Variants in DAB1 observed in about 807,000 individuals in gnomAD.
DAB1 encodes the protein disabled homolog 1.
DAB1 carries 15 observed loss-of-function variants against 64.6 expected under a neutral mutation model. The ratio of observed to expected loss-of-function variants is 0.23; its 90% CI spans 0.16 to 0.36. DAB1 has a LOEUF of 0.36. Ranked by LOEUF, DAB1 falls within the 10% of genes least tolerant of loss-of-function variation. The probability of loss-of-function intolerance (pLI) is 1.00; values close to 1 mark genes in which losing one functional copy is unlikely to be tolerated. For synonymous variants in DAB1, 235 were observed against 251.9 expected (o/e 0.93, Z 0.64); for missense variants, 596 against 706.7 (o/e 0.84, Z 1.78).
At chr1:57,996,183 C>T (rs1017974383) in intron 5 of DAB1, among the ~76,000 whole-genome samples, 4 of 152,008 alleles carry the variant, frequency 2.6e-5, no homozygotes, top group Admixed American at 2.6e-4. Context: ...CTCTGGAACC[C>T]GGGAGGCAGA....
chr1:57,276,829 T>C (rs941424999), intron 2 of DAB1, among the ~76,000 whole-genome samples: 4 of 152,214 alleles, frequency 2.6e-5, no homozygotes, highest in African/African-American at 7.2e-5. Context: ...AAACTATAAT[T>C]GTTTCTTATT....
chr1:58,228,779 A>G (rs1295291141), intron 4 of DAB1: 7 of 833,618 alleles, frequency 8.4e-6, no homozygotes, highest in East Asian at 3.8e-5. Context: ...TGCAAACAAG[A>G]CAGAAATCAT....
intron 5 of DAB1, among the ~76,000 whole-genome samples, chr1:57,950,186 A>C (rs942374728): frequency 3.9e-5 from 6 of 152,282 alleles, no homozygotes; most frequent in Non-Finnish European, 7.4e-5. Flanking sequence ...TGGTTCTGCA[A>C]ATTTTTAGCT....
At chr1:57,899,093 C>T (rs1644436525) in intron 5 of DAB1, among the ~76,000 whole-genome samples, 2 of 151,864 alleles carry the variant, frequency 1.3e-5, no homozygotes, top group Non-Finnish European at 2.9e-5. Flanking sequence ...TGGGTTTTTT[C>T]ATATGTAGAA....
At chr1:58,132,005 T>C (rs2100697193) in intron 5 of DAB1, among the ~76,000 whole-genome samples, 1 of 152,214 alleles carries the variant, frequency 6.6e-6, no homozygotes, top group South Asian at 2.1e-4. Flanking sequence ...GCTTCCTGGC[T>C]GCTTTCTTTA....
At chr1:57,556,754 T>G (rs1171416089) in intron 7 of DAB1, among the ~76,000 whole-genome samples, 3 of 152,236 alleles carry the variant, frequency 2.0e-5, no homozygotes, top group African/African-American at 7.2e-5. Context: ...GCTGACTATT[T>G]CTTTTGCTGT....
chr1:57,216,362 A>G (rs1666429393), intron 2 of DAB1, among the ~76,000 whole-genome samples: 1 of 152,164 alleles, frequency 6.6e-6, no homozygotes, highest in African/African-American at 2.4e-5. Flanking sequence ...ACTCCTTTAT[A>G]TAATCATAAA....
intron 6 of DAB1, among the ~76,000 whole-genome samples, chr1:57,784,276 C>A (rs1175541620): frequency 1.3e-5 from 2 of 152,070 alleles, no homozygotes; most frequent in Non-Finnish European, 2.9e-5. Context: ...CACCTGTGGT[C>A]TCAGCTACAC....
intron 2 of DAB1, among the ~76,000 whole-genome samples, chr1:57,183,653 A>C (rs1663222558): frequency 1.3e-5 from 2 of 152,174 alleles, no homozygotes; most frequent in Admixed American, 1.3e-4. Context: ...TGTTCCTAAT[A>C]ACTTGCCAGT....
At chr1:58,179,344 C>A (rs1343004218) in intron 4 of DAB1, among the ~76,000 whole-genome samples, 1 of 152,030 alleles carries the variant, frequency 6.6e-6, no homozygotes, top group Admixed American at 6.6e-5. Context: ...TTAACACTGG[C>A]CTCATAAAAA....
chr1:57,595,352 G>A (rs1299402178), intron 7 of DAB1, among the ~76,000 whole-genome samples: 1 of 151,494 alleles, frequency 6.6e-6, no homozygotes. Context: ...CAGCTTTTTT[G>A]GGCCCCCAAA....
At chr1:57,809,778 G>C (rs1163698358) in intron 6 of DAB1, among the ~76,000 whole-genome samples, 1 of 152,084 alleles carries the variant, frequency 6.6e-6, no homozygotes, top group African/African-American at 2.4e-5. Context: ...TTTTATTCTA[G>C]GTGGAAGGAA....
intron 2 of DAB1, among the ~76,000 whole-genome samples, chr1:57,199,319 A>G (rs576919468): frequency 6.6e-6 from 1 of 152,352 alleles, no homozygotes; most frequent in Admixed American, 6.5e-5. Flanking sequence ...AAAAACCCAC[A>G]CAGAGACTTC....
intron 5 of DAB1, among the ~76,000 whole-genome samples, chr1:57,918,651 C>G (rs567421209): frequency 6.6e-6 from 1 of 152,000 alleles, no homozygotes; most frequent in Non-Finnish European, 1.5e-5. Context: ...AGTGAAACCC[C>G]GTCTCTACTA....
chr1:58,008,705 T>C (rs1054543135), intron 5 of DAB1, among the ~76,000 whole-genome samples: 10 of 152,170 alleles, frequency 6.6e-5, no homozygotes. Context: ...ATTGATTCCA[T>C]CTTCCACCTA....
chr1:57,232,569 A>C (rs1667766402), intron 2 of DAB1, among the ~76,000 whole-genome samples: 1 of 152,142 alleles, frequency 6.6e-6, no homozygotes, highest in Non-Finnish European at 1.5e-5. Flanking sequence ...CTTAGAGATT[A>C]TTTAAATGCA....
chr1:57,738,349 T>C (rs955039784), intron 6 of DAB1, among the ~76,000 whole-genome samples: 1 of 152,210 alleles, frequency 6.6e-6, no homozygotes, highest in Non-Finnish European at 1.5e-5. Context: ...TTTCCCCATT[T>C]GCAAAATATC....
At chr1:58,337,036 A>T (rs369273172) in intron 4 of DAB1, among the ~76,000 whole-genome samples, 2 of 152,174 alleles carry the variant, frequency 1.3e-5, no homozygotes, top group African/African-American at 2.4e-5. Context: ...TAATCCCAGC[A>T]CTTTGGGAGG....
chr1:58,539,391 G>A (rs186263015), intron 1 of DAB1: 30 of 663,636 alleles, frequency 4.5e-5, no homozygotes, highest in East Asian at 1.9e-4. Context: ...TTAAATAGGC[G>A]TGTCAGTTGT....
Sources: allele counts gnomAD v4.1 joint callset (sites outside exome capture counted in the v4.1 genomes callset), GRCh38; gene constraint gnomAD v4.1.1; transcripts MANE v1.5; gene names NCBI Gene and HGNC (gene_info 2026-07-23, HGNC 2026-07-21).